Variants in PTPRT observed in about 807,000 individuals in gnomAD.
PTPRT encodes the protein protein tyrosine phosphatase receptor type T.
PTPRT carries 56 observed loss-of-function variants against 176.8 expected under a neutral mutation model. That is an observed-to-expected ratio of 0.32 (90% CI 0.26 to 0.40). PTPRT has a LOEUF of 0.40. PTPRT is among the 10% of genes least tolerant of loss of function. The pLI, the probability that PTPRT is intolerant of heterozygous loss-of-function variation, is 1.00. For missense variants in PTPRT, 1,540 were observed against 1,908.2 expected (o/e 0.81, Z 3.60); for synonymous variants, 783 against 739.0 (o/e 1.06, Z -0.96).
At chr20:42,195,062 G>A (rs1991155246) in intron 16 of PTPRT, among the ~76,000 whole-genome samples, 1 of 152,086 alleles carries the variant, frequency 6.6e-6, no homozygotes, top group Non-Finnish European at 1.5e-5. Context: ...GTTAAATGAC[G>A]AGTTACTGGG....
chr20:42,462,152 T>G (rs769290573), intron 8 of PTPRT, among the ~76,000 whole-genome samples: 4 of 152,132 alleles, frequency 2.6e-5, no homozygotes, highest in Non-Finnish European at 5.9e-5. Context: ...GGAGGGAATT[T>G]CTTTGAATGG....
chr20:42,780,368 G>A (rs529736700), intron 3 of PTPRT, 69 bp from the exon 4 acceptor site: 41 of 1,227,430 alleles, frequency 3.3e-5, no homozygotes, highest in Admixed American at 1.4e-4. Flanking sequence ...GAAGCTGCCC[G>A]GCCCCCAGCC....
chr20:42,746,383 G>C (rs560163173), intron 6 of PTPRT, among the ~76,000 whole-genome samples: 1 of 152,114 alleles, frequency 6.6e-6, no homozygotes, highest in Non-Finnish European at 1.5e-5. Context: ...GTGGGGAACC[G>C]GGCACCCATG....
intron 14 of PTPRT, among the ~76,000 whole-genome samples, chr20:42,243,909 G>A (rs2056403021): frequency 6.6e-6 from 1 of 152,200 alleles, no homozygotes; most frequent in Non-Finnish European, 1.5e-5. Flanking sequence ...GAAAAATGAT[G>A]CAAATTATGT....
At chr20:42,345,586 G>A (rs901407041) in intron 11 of PTPRT, among the ~76,000 whole-genome samples, 3 of 66,382 alleles carry the variant, frequency 4.5e-5, no homozygotes, top group South Asian at 5.1e-4. Flanking sequence ...ATATATATGT[G>A]TGTGTGTGTG....
At position 42,725,009 on chromosome 20, in the gene PTPRT, T is replaced by TTGTGTGTGTGTGTGTG. The variant is rs147376328; in HGVS notation, c.859+31437_859+31452dup. Among the ~76,000 whole-genome samples the TTGTGTGTGTGTGTGTG allele has an allele frequency of 1.2e-3, 160 of 134,026 alleles. 1 individual carries two copies. Among genetic ancestry groups the TTGTGTGTGTGTGTGTG allele is most frequent in the African/African-American group, 4.0e-3 (153 of 38,038 alleles). 87.9% of individuals were successfully genotyped at this position (134,026 alleles called of 152,430 possible). On this transcript the variant is annotated intron_variant, in intron 6 of 30. Coordinates refer to ENST00000373187, the MANE Select transcript of PTPRT (RefSeq NM_007050.6). ...CTTGACAGCAGGATGTGGACATCTT[T>TTGTGTGTGTGTGTGTG]TGTGTGTGTGTGTGTGTGTGTGTGT... is the stretch of plus-strand genomic sequence containing the variant.
chr20:42,040,075 T>C, the PTPRT span, among the ~76,000 whole-genome samples: 2 of 152,162 alleles, frequency 1.3e-5, no homozygotes, highest in Non-Finnish European at 2.9e-5. Flanking sequence ...AAGTTCCCTT[T>C]TTTTTCCCCA....
chr20:42,815,746 A>C (rs1394753387), intron 2 of PTPRT, among the ~76,000 whole-genome samples: 1 of 152,214 alleles, frequency 6.6e-6, no homozygotes, highest in African/African-American at 2.4e-5. Flanking sequence ...AGAGAGGCTG[A>C]GTTGACAGGG....
intron 1 of PTPRT, among the ~76,000 whole-genome samples, chr20:43,078,511 C>G (rs2011342721): frequency 6.6e-6 from 1 of 152,146 alleles, no homozygotes; most frequent in Non-Finnish European, 1.5e-5. Context: ...ATAGACATTA[C>G]TAGGCACATA....
chr20:42,811,141 G>T (rs1169288755), intron 2 of PTPRT, among the ~76,000 whole-genome samples: 2 of 152,118 alleles, frequency 1.3e-5, no homozygotes, highest in African/African-American at 4.8e-5. Context: ...ATTGGGAAAT[G>T]ATACATATTC....
chr20:42,270,593 T>C, intron 13 of PTPRT: 4 of 676,914 alleles, frequency 5.9e-6, no homozygotes, highest in Non-Finnish European at 2.6e-6. Context: ...CAAAAGAACA[T>C]CATGATTTAA....
intron 14 of PTPRT, among the ~76,000 whole-genome samples, chr20:42,237,056 T>C (rs997433909): frequency 6.6e-6 from 1 of 152,178 alleles, no homozygotes; most frequent in African/African-American, 2.4e-5. Flanking sequence ...GGAGAGCCTC[T>C]GAGACTACAT....
At chr20:42,142,087 C>T in intron 17 of PTPRT, 85 bp from the exon 18 acceptor site, 1 of 1,132,544 alleles carries the variant, frequency 8.8e-7, no homozygotes, top group Non-Finnish European at 1.3e-6. Context: ...CAAAGTAAGA[C>T]CCACTGCGAT....
chr20:42,201,260 T>C (rs1192646321), intron 15 of PTPRT, among the ~76,000 whole-genome samples: 1 of 152,078 alleles, frequency 6.6e-6, no homozygotes, highest in Non-Finnish European at 1.5e-5. Flanking sequence ...AGATCACGCC[T>C]CTGCACTCCA....
intron 1 of PTPRT, among the ~76,000 whole-genome samples, chr20:42,942,231 G>A (rs1206454451): frequency 6.6e-6 from 1 of 152,192 alleles, no homozygotes; most frequent in African/African-American, 2.4e-5. Context: ...TACTTGTTAT[G>A]CCATGTCCAT....
the PTPRT span, among the ~76,000 whole-genome samples, chr20:42,032,332 A>G: frequency 2.0e-5 from 3 of 152,306 alleles, no homozygotes; most frequent in South Asian, 2.1e-4. Flanking sequence ...CCTCCATTCA[A>G]TGTCCTGGAA....
At position 43,008,602 on chromosome 20, in the gene PTPRT, C is replaced by A. The variant is rs566403698; in HGVS notation, c.89-122670G>T. Among the ~76,000 whole-genome samples the A allele has an allele frequency of 4.6e-5, 7 of 152,198 alleles. No homozygotes were observed. In the East Asian group the frequency reaches 1.4e-3, roughly 29 times the overall value. ...GCTACTTGAGGGTCTGAGGTGGAGG[C>A]ATCACTTGCATCCGGGAGATGGAGG... is the stretch of plus-strand genomic sequence containing the variant. On this transcript the variant is annotated intron_variant, in intron 1 of 30. Transcript: ENST00000373187.
At chr20:43,013,162 AT>A (rs968938947) in intron 1 of PTPRT, among the ~76,000 whole-genome samples, 3 of 151,808 alleles carry the variant, frequency 2.0e-5, no homozygotes, top group African/African-American at 7.3e-5. Context: ...AAATATTGTA[AT>A]TTTTTTCACT....
rs369848119 is a variant in PTPRT at position 42,236,889 on chromosome 20, T to C, written c.2313-631A>G. ...CCTCCCACAGAGTCAGGACTGACCC[T>C]GTGTGAATAGAATGTGGTAGGAATT... On this transcript the variant is annotated intron_variant, in intron 14 of 30. Coordinates refer to ENST00000373187, the MANE Select transcript of PTPRT (RefSeq NM_007050.6). Among the ~76,000 whole-genome samples, 14 of 152,172 alleles carry C rather than the reference T, an allele frequency of 9.2e-5. No homozygotes were observed. The East Asian group carries it at 1.7e-3, about 19-fold the overall frequency.
Sources: gnomAD v4.1 joint callset for allele counts (sites outside exome capture counted in the v4.1 genomes callset) on GRCh38, gnomAD v4.1.1 for gene constraint, MANE v1.5 for transcripts, NCBI Gene and HGNC (gene_info 2026-07-23, HGNC 2026-07-21) for gene names.